Variants in PRKCA observed in about 807,000 individuals in gnomAD.
PRKCA encodes the protein protein kinase C alpha.
A neutral mutation model predicts 87.0 loss-of-function variants in PRKCA; 27 were observed. The ratio of observed to expected loss-of-function variants is 0.31; its 90% confidence interval spans 0.23 to 0.43. The LOEUF (loss-of-function observed/expected upper bound fraction) is 0.43. Among genes scored for constraint, PRKCA ranks in the 20% least tolerant of loss-of-function variants. The pLI is 1.00. For missense variants in PRKCA, 518 were observed against 852.3 expected, an observed-to-expected ratio of 0.61 and a Z score of 4.88; for synonymous variants, 329 against 311.1, an observed-to-expected ratio of 1.06 and a Z score of -0.61.
At chr17:66,585,836 G>A (rs1969578516) in intron 3 of PRKCA, among the ~76,000 whole-genome samples, 1 of 152,238 alleles carries the variant, frequency 6.6e-6, no homozygotes, top group East Asian at 1.9e-4. Context: ...CAAGAAGCAT[G>A]TGGGAGAATA....
chr17:66,639,034 A>G (rs765119747), intron 3 of PRKCA, among the ~76,000 whole-genome samples: 11 of 152,188 alleles, frequency 7.2e-5, no homozygotes, highest in Non-Finnish European at 1.6e-4. Flanking sequence ...CATTGGAGAA[A>G]CCCTGAGAGA....
At position 66,804,219 on chromosome 17, in the gene PRKCA, G is replaced by C; in HGVS notation, c.*182G>C. ...TTCAGGGTCTCTCTCTTACAACCAA[G>C]AACATTATCTTAGTGGAAGATGGTA... On this transcript the variant is annotated 3_prime_UTR_variant, in exon 17 of 17. Coordinates refer to ENST00000413366, the MANE Select transcript of PRKCA (RefSeq NM_002737.3). 1.3e-6 allele frequency: 1 copy of C among 774,086 alleles called. No homozygotes were observed. Among genetic ancestry groups the C allele is most frequent in the Non-Finnish European group, 1.9e-6 (1 of 519,948 alleles). 48.0% of individuals were successfully genotyped at this position (774,086 alleles called of 1,614,324 possible). A position where few individuals can be genotyped will look rare whatever the true frequency, so the allele number is the denominator to read the frequency against.
chr17:66,669,940 A>C (rs1972132842), intron 5 of PRKCA, among the ~76,000 whole-genome samples: 1 of 152,250 alleles, frequency 6.6e-6, no homozygotes, highest in South Asian at 2.1e-4. Flanking sequence ...ATTACAAAGA[A>C]AGAAAACAAA....
chr17:66,337,934 T>C (rs1249265212), intron 2 of PRKCA, among the ~76,000 whole-genome samples: 1 of 152,084 alleles, frequency 6.6e-6, no homozygotes, highest in South Asian at 2.1e-4. Context: ...AAAAAAACTT[T>C]TATTGCTAAA....
At chr17:66,747,930 G>T (rs527984132) in intron 13 of PRKCA, among the ~76,000 whole-genome samples, 1 of 152,220 alleles carries the variant, frequency 6.6e-6, no homozygotes, top group African/African-American at 2.4e-5. Context: ...GGGGTGCCGG[G>T]CCAGAAAGAG....
intron 10 of PRKCA, among the ~76,000 whole-genome samples, chr17:66,736,438 C>T (rs367957680): frequency 3.6e-4 from 55 of 152,116 alleles, no homozygotes; most frequent in African/African-American, 1.1e-3. Flanking sequence ...CCACCACGCC[C>T]GGCTAATTTT....
intron 2 of PRKCA, among the ~76,000 whole-genome samples, chr17:66,451,657 TA>T (rs1394517726): frequency 6.6e-6 from 1 of 152,054 alleles, no homozygotes; most frequent in Non-Finnish European, 1.5e-5. Flanking sequence ...GGAGCCTGGA[TA>T]AGGAAGCGCC....
At chr17:66,672,651 G>C (rs1811583901) in intron 5 of PRKCA, among the ~76,000 whole-genome samples, 1 of 152,208 alleles carries the variant, frequency 6.6e-6, no homozygotes, top group African/African-American at 2.4e-5. Flanking sequence ...ATTTATGCAT[G>C]AAGATGATCA....
intron 2 of PRKCA, among the ~76,000 whole-genome samples, chr17:66,479,498 G>A (rs1454389923): frequency 1.3e-5 from 2 of 152,088 alleles, no homozygotes; most frequent in East Asian, 3.9e-4. Context: ...GCAATCCCAT[G>A]GCTAGGTATA....
At chr17:66,529,131 T>C (rs1275892095) in intron 3 of PRKCA, among the ~76,000 whole-genome samples, 3 of 152,348 alleles carry the variant, frequency 2.0e-5, no homozygotes, top group Admixed American at 2.0e-4. Context: ...TTGGTGTCCT[T>C]GTAGTTAAGG....
chr17:66,603,829 C>T (rs1388418864), intron 3 of PRKCA, among the ~76,000 whole-genome samples: 1 of 152,196 alleles, frequency 6.6e-6, no homozygotes, highest in Non-Finnish European at 1.5e-5. Flanking sequence ...AATCTGACTG[C>T]TCCAGACACC....
intron 8 of PRKCA, among the ~76,000 whole-genome samples, chr17:66,712,266 G>C (rs1438369555): frequency 6.6e-6 from 1 of 152,186 alleles, no homozygotes; most frequent in Non-Finnish European, 1.5e-5. Context: ...CTACTTCAGA[G>C]GAACACCTCC....
intron 2 of PRKCA, among the ~76,000 whole-genome samples, chr17:66,490,430 G>A (rs1275837930): frequency 1.3e-5 from 2 of 149,820 alleles, no homozygotes; most frequent in Non-Finnish European, 3.0e-5. Context: ...TGCAACCTCC[G>A]CCTCCTGGGT....
At chr17:66,685,604 G>T (rs567668828) in intron 5 of PRKCA, among the ~76,000 whole-genome samples, 2 of 152,202 alleles carry the variant, frequency 1.3e-5, no homozygotes, top group African/African-American at 4.8e-5. Context: ...ATGTAAGGCT[G>T]TTGGCTGGCA....
intron 2 of PRKCA, among the ~76,000 whole-genome samples, chr17:66,439,405 C>T (rs945037010): frequency 2.6e-5 from 4 of 152,202 alleles, no homozygotes; most frequent in Non-Finnish European, 5.9e-5. Flanking sequence ...TGGTCTCGAA[C>T]TCCTGACCTT....
intron 2 of PRKCA, among the ~76,000 whole-genome samples, chr17:66,377,627 T>C (rs998858917): frequency 6.9e-5 from 10 of 144,132 alleles, no homozygotes; most frequent in East Asian, 2.0e-4. Flanking sequence ...ATATTATATA[T>C]ATGTCTATAT....
chr17:66,789,633 G>A (rs1251399130), intron 16 of PRKCA, among the ~76,000 whole-genome samples: 3 of 152,200 alleles, frequency 2.0e-5, no homozygotes, highest in Non-Finnish European at 4.4e-5. Flanking sequence ...CAGCAGCCCT[G>A]TGAGATGGGT....
In PRKCA at chr17:66,471,165, C is replaced by A. The variant is rs76603689; in HGVS notation, c.206-25036C>A. Among the ~76,000 whole-genome samples the A allele has an allele frequency of 2.4e-4, 36 of 152,252 alleles. No homozygotes were observed. In the East Asian group the frequency reaches 6.6e-3, roughly 28 times the overall value. ...TTGATGACCTAATATTGCATTTCCT[C>A]AATTTTGTTCTATAAGTAGCATTCA... is the stretch of plus-strand genomic sequence containing the variant. On this transcript the variant is annotated intron_variant, in intron 2 of 16. Transcript: ENST00000413366.
At chr17:66,738,214 C>T (rs1161063415) in intron 10 of PRKCA, among the ~76,000 whole-genome samples, 1 of 152,224 alleles carries the variant, frequency 6.6e-6, no homozygotes, top group Non-Finnish European at 1.5e-5. Flanking sequence ...ATTTGATTAG[C>T]ATCTCCATCT....
Sources: gnomAD v4.1 joint callset for allele counts (sites outside exome capture counted in the v4.1 genomes callset) on GRCh38, gnomAD v4.1.1 for gene constraint, MANE v1.5 for transcripts, NCBI Gene and HGNC (gene_info 2026-07-23, HGNC 2026-07-21) for gene names.